Variants in PNKD observed in about 807,000 individuals in gnomAD.
The protein encoded by PNKD is probable thioesterase PNKD.
Under a neutral mutation model 45.3 loss-of-function variants are expected in PNKD, and 36 were observed. The observed-to-expected ratio is 0.80, with a 90% CI of 0.61 to 1.05. The LOEUF (loss-of-function observed/expected upper bound fraction) is 1.05, where lower values mean the gene tolerates loss of function less well. PNKD is among the 50% of genes least tolerant of loss of function. The pLI is 0.00. For synonymous variants in PNKD, 197 were observed against 210.1 expected (o/e 0.94, Z 0.54); for missense variants, 511 against 506.6 (o/e 1.01, Z -0.08).
intron 2 of PNKD, chr2:218,279,096 G>T (rs373924930): frequency 2.2e-5 from 35 of 1,613,968 alleles, no homozygotes; most frequent in East Asian, 1.8e-4. Context: ...GGTTCCCTGT[G>T]GGGCACAGGA....
chr2:218,323,268 A>C (rs1694045406), intron 2 of PNKD: 1 of 1,522,296 alleles, frequency 6.6e-7, no homozygotes, highest in Non-Finnish European at 8.8e-7. Context: ...TGCCCCCAGC[A>C]TGGCTTGGCA....
chr2:218,322,222 G>A (rs538892111), intron 2 of PNKD, among the ~76,000 whole-genome samples: 3 of 152,256 alleles, frequency 2.0e-5, no homozygotes, highest in South Asian at 2.1e-4. Flanking sequence ...GCGCCTGGCC[G>A]AGCTTGACTC....
intron 2 of PNKD, chr2:218,275,449 A>AT: frequency 6.2e-7 from 1 of 1,604,208 alleles, no homozygotes; most frequent in Non-Finnish European, 8.5e-7. Flanking sequence ...AGAGCCCAGG[A>AT]TCGGGTGAAA....
intron 2 of PNKD, among the ~76,000 whole-genome samples, chr2:218,304,708 T>C (rs998473663): frequency 6.6e-6 from 1 of 152,144 alleles, no homozygotes; most frequent in Non-Finnish European, 1.5e-5. Context: ...AAAACCATAA[T>C]TGAATTTGGG....
chr2:218,273,798 C>CA (rs1491340163), intron 2 of PNKD, among the ~76,000 whole-genome samples: 1 of 151,986 alleles, frequency 6.6e-6, no homozygotes, highest in Non-Finnish European at 1.5e-5. Flanking sequence ...GCACCAGGCC[C>CA]AGTTTCCTCA....
intron 8 of PNKD, among the ~76,000 whole-genome samples, chr2:218,344,092 C>T (rs943811187): frequency 5.3e-5 from 8 of 152,194 alleles, no homozygotes; most frequent in Admixed American, 4.6e-4. Context: ...ACAGCAGGTA[C>T]ATCTGTGTCT....
In PNKD at chr2:218,340,745, A is replaced by C; in HGVS notation, c.483A>C (p.Glu161Asp). ...TCTCGCAGGCTTCCATTGAAAAGGA[A>C]GGGGTCACCTTGGTCGCCATTCTGT... ...PRAVQASIEK[E>D]GVTLVAILCT... The change falls in exon 5 of 10, where the codon GAA becomes GAC. Residue 161 changes from glutamate to aspartate, a missense_variant. Physicochemically the swap from Glu to Asp is conservative, Grantham distance 45. Coordinates refer to ENST00000273077, the MANE Select transcript of PNKD (RefSeq NM_015488.5). The surrounding 1 kb of genome is among the most constrained non-coding windows in gnomAD (Gnocchi z 4.2). The C allele has an allele frequency of 6.2e-7, 1 of 1,613,944 alleles. No homozygotes were observed. Among genetic ancestry groups the C allele is most frequent in the South Asian group, 1.1e-5 (1 of 91,072 alleles).
At chr2:218,289,925 A>G (rs2106239452) in intron 2 of PNKD, 2 of 152,012 alleles carry the variant, frequency 1.3e-5, no homozygotes, top group African/African-American at 4.8e-5. Flanking sequence ...AGTATATAAC[A>G]CTCTAGGAAA....
Position 218,345,060 on chromosome 2 carries a change from G to A in PNKD, c.*79G>A, listed in dbSNP as rs1694795211. 3.5e-6 allele frequency: 4 copies of A among 1,131,078 alleles called. No homozygotes were observed. The highest frequency in any genetic ancestry group is 2.9e-5 in the South Asian group (2 of 69,876). 70.1% of individuals were successfully genotyped at this position (1,131,078 alleles called of 1,614,324 possible). On this transcript the variant is annotated 3_prime_UTR_variant, in exon 10 of 10. Coordinates refer to ENST00000273077, the MANE Select transcript of PNKD (RefSeq NM_015488.5). ...CCAACACCTCATCATCCTTCTCATC[G>A]CTAACACCACCACCTCCATCGGCAC...
At chr2:218,311,659 T>G (rs1693619711) in intron 2 of PNKD, among the ~76,000 whole-genome samples, 1 of 152,190 alleles carries the variant, frequency 6.6e-6, no homozygotes, top group Admixed American at 6.5e-5. Flanking sequence ...TAGGACGGTT[T>G]TCTCCTATCT....
In PNKD at chr2:218,341,554, G is replaced by A. The variant is rs767210828; in HGVS notation, c.545G>A (p.Arg182His). Residue 182 changes from arginine to histidine, a missense_variant, in exon 6 of 10, where the codon CGT becomes CAT. Physicochemically the swap from Arg to His is conservative, Grantham distance 29. Transcript: ENST00000273077. ...TGCAGGGACCACAGTGGAGGGAACC[G>A]TGACCTCAGCCGGCGGCACCGGGAC... The part of the protein sequence containing the change: ...HKHWDHSGGN[R>H]DLSRRHRDCR... 8 of 1,601,452 alleles carry A rather than the reference G, an allele frequency of 5.0e-6. No individual in the cohort carries two copies. The highest frequency in any genetic ancestry group is 2.7e-5 in the African/African-American group (2 of 74,636).
intron 2 of PNKD, chr2:218,272,652 G>A (rs768442818): frequency 1.2e-6 from 2 of 1,614,202 alleles, no homozygotes; most frequent in Admixed American, 1.7e-5. Flanking sequence ...GCAGATGAAG[G>A]CTCGGCAGAA....
At chr2:218,296,888 G>A (rs1195584654) in intron 2 of PNKD, among the ~76,000 whole-genome samples, 5 of 152,180 alleles carry the variant, frequency 3.3e-5, no homozygotes, top group Non-Finnish European at 1.5e-5. Context: ...ACGTTGGCCA[G>A]GCTGGTCTTG....
Position 218,345,939 on chromosome 2 carries a change from A to C in PNKD, c.*958A>C, listed in dbSNP as rs539541095. 1 of 152,492 alleles carries C rather than the reference A, an allele frequency of 6.6e-6. No individual in the cohort carries two copies. Among genetic ancestry groups the C allele is most frequent in the South Asian group, 2.1e-4 (1 of 4,828 alleles). The allele number at this position is 152,492 out of a possible 1,614,324, so 9.4% of individuals were successfully genotyped here. A position where few individuals can be genotyped will look rare whatever the true frequency, so the allele number is the denominator to read the frequency against. On this transcript the variant is annotated 3_prime_UTR_variant, in exon 10 of 10. Coordinates refer to ENST00000273077, the MANE Select transcript of PNKD (RefSeq NM_015488.5). Reference sequence around the variant, plus strand: ...CAGCCCTTTTCTTCTTTGAGTTAGTAAAGATTTATTCTGTAACCTGACACT... The same window carrying C: ...CAGCCCTTTTCTTCTTTGAGTTAGTCAAGATTTATTCTGTAACCTGACACT...
intron 2 of PNKD, among the ~76,000 whole-genome samples, chr2:218,339,517 C>T (rs376688009): frequency 3.9e-5 from 6 of 152,152 alleles, no homozygotes; most frequent in Non-Finnish European, 5.9e-5. Context: ...TGAGCCACTG[C>T]GCCTGGCCTC....
At chr2:218,288,119 A>G (rs1351131708) in intron 2 of PNKD, among the ~76,000 whole-genome samples, 1 of 152,224 alleles carries the variant, frequency 6.6e-6, no homozygotes. Context: ...GAGACTGATA[A>G]CTAACCCCAA....
intron 2 of PNKD, among the ~76,000 whole-genome samples, chr2:218,315,138 TTTCTTTC>T (rs1693774610): frequency 6.8e-6 from 1 of 146,340 alleles, no homozygotes; most frequent in Non-Finnish European, 1.5e-5. Flanking sequence ...TCTTTCTTTC[TTTCTTTC>T]TTCTTTCTTT....
At chr2:218,282,194 A>AC in intron 2 of PNKD, 1 of 1,380,050 alleles carries the variant, frequency 7.2e-7, no homozygotes, top group Non-Finnish European at 9.6e-7. Flanking sequence ...GAAATGGGAG[A>AC]GGAGAAAAGC....
At chr2:218,322,886 T>C (rs182706997) in intron 2 of PNKD, among the ~76,000 whole-genome samples, 1 of 152,314 alleles carries the variant, frequency 6.6e-6, no homozygotes, top group East Asian at 1.9e-4. Flanking sequence ...ACCCCGATGA[T>C]CTCTCAGGTT....
Sources: gnomAD v4.1 joint callset for allele counts (sites outside exome capture counted in the v4.1 genomes callset) on GRCh38, gnomAD v4.1.1 for gene constraint, Gnocchi (gnomAD v3.1) non-coding constraint, MANE v1.5 for transcripts, NCBI Gene and HGNC (gene_info 2026-07-23, HGNC 2026-07-21) for gene names.